The following PLXDC1 variants were observed in gnomAD, a reference collection of about 807,000 sequenced individuals.
The protein encoded by PLXDC1 is plexin domain-containing protein 1.
In PLXDC1, 39 loss-of-function variants were observed where a neutral mutation model predicts 61.3. That is an observed-to-expected ratio of 0.64 (90% CI 0.49 to 0.83). PLXDC1 has a LOEUF of 0.83. Among genes scored for constraint, PLXDC1 ranks in the 40% least tolerant of loss-of-function variants. The probability of loss-of-function intolerance (pLI) is 0.00; values close to 1 mark genes in which losing one functional copy is unlikely to be tolerated. For missense variants in PLXDC1, 596 were observed against 666.5 expected, an observed-to-expected ratio of 0.89 and a Z score of 1.17; for synonymous variants, 212 against 254.5, an observed-to-expected ratio of 0.83 and a Z score of 1.59.
At chr17:39,096,055 C>T (rs1034447283) in intron 7 of PLXDC1, among the ~76,000 whole-genome samples, 3 of 152,160 alleles carry the variant, frequency 2.0e-5, no homozygotes, top group African/African-American at 7.2e-5. Context: ...CTGGCTTGGC[C>T]AGAAGAAGTT....
At chr17:39,096,310 G>A (rs907414949) in intron 7 of PLXDC1, among the ~76,000 whole-genome samples, 2 of 152,220 alleles carry the variant, frequency 1.3e-5, no homozygotes, top group African/African-American at 4.8e-5. Flanking sequence ...GGCCAGAAAT[G>A]ACTCAGGGAG....
At chr17:39,103,222 A>G (rs1318566642) in intron 7 of PLXDC1, among the ~76,000 whole-genome samples, 1 of 151,936 alleles carries the variant, frequency 6.6e-6, no homozygotes, top group Non-Finnish European at 1.5e-5. Flanking sequence ...CTCAAAAAAA[A>G]AAAAAAGACA....
At chr17:39,139,563 G>A in intron 2 of PLXDC1, 91 bp downstream of exon 2, 1 of 1,238,682 alleles carries the variant, frequency 8.1e-7, no homozygotes, top group South Asian at 1.5e-5. Context: ...AATGATATGT[G>A]ATTTGCATGT....
At chr17:39,131,810 C>A (rs1597657817) in intron 2 of PLXDC1, 1 of 152,780 alleles carries the variant, frequency 6.5e-6, no homozygotes, top group Admixed American at 6.5e-5. Context: ...CACTGCTTGC[C>A]CCCTGTGGTT....
At chr17:39,086,821 C>A (rs1909756015) in intron 8 of PLXDC1, among the ~76,000 whole-genome samples, 1 of 127,820 alleles carries the variant, frequency 7.8e-6, no homozygotes, top group Non-Finnish European at 1.6e-5. Flanking sequence ...GAGATCACAC[C>A]ACTGCACTCT....
chr17:39,100,543 C>G (rs115449246), intron 7 of PLXDC1, among the ~76,000 whole-genome samples: 1,750 of 152,304 alleles, frequency 0.011, 38 homozygotes, highest in African/African-American at 0.04. Flanking sequence ...GCGTGAGCCA[C>G]CGTGCCTGGC....
At chr17:39,111,456 T>C (rs981262855) in intron 2 of PLXDC1, among the ~76,000 whole-genome samples, 1 of 152,292 alleles carries the variant, frequency 6.6e-6, no homozygotes, top group Admixed American at 6.5e-5. Flanking sequence ...AGCAAATTTT[T>C]GTATTTTTAG....
chr17:39,091,278 CAG>C (rs971762954), intron 7 of PLXDC1, among the ~76,000 whole-genome samples: 2 of 152,094 alleles, frequency 1.3e-5, no homozygotes, highest in African/African-American at 2.4e-5. Flanking sequence ...GAGGGCTGCT[CAG>C]AGAGTACTTA....
chr17:39,094,496 C>T (rs1222922013), intron 7 of PLXDC1, among the ~76,000 whole-genome samples: 7 of 151,950 alleles, frequency 4.6e-5, no homozygotes, highest in Non-Finnish European at 4.4e-5. Flanking sequence ...GACTGCCCCC[C>T]GACCCGGCCC....
At chr17:39,145,403 C>T (rs1313019184) in intron 1 of PLXDC1, among the ~76,000 whole-genome samples, 2 of 152,208 alleles carry the variant, frequency 1.3e-5, no homozygotes, top group Non-Finnish European at 2.9e-5. Context: ...CCTCATCTCA[C>T]CCAACACCCA....
chr17:39,106,027 C>T, intron 6 of PLXDC1, 74 bp from the exon 7 acceptor site: 2 of 976,296 alleles, frequency 2.0e-6, no homozygotes, highest in Non-Finnish European at 3.2e-6. Context: ...CTGTGAGCTC[C>T]AGACCCATCT....
chr17:39,152,781 AAAAG>A (rs1382012725), upstream of PLXDC1: 799 of 820,998 alleles, frequency 9.7e-4, no homozygotes, highest in Non-Finnish European at 1.2e-3. Context: ...AAAAAAAAAA[AAAAG>A]AAAAGAAAAG....
At chr17:39,103,781 G>A (rs929578543) in intron 7 of PLXDC1, among the ~76,000 whole-genome samples, 2 of 150,900 alleles carry the variant, frequency 1.3e-5, no homozygotes, top group African/African-American at 4.9e-5. Flanking sequence ...GGGAGGCAAA[G>A]GTTGCAGTGA....
At chr17:39,139,382 G>T (rs1258493399) in intron 2 of PLXDC1, among the ~76,000 whole-genome samples, 1 of 152,182 alleles carries the variant, frequency 6.6e-6, no homozygotes. Context: ...CAGGAATGCT[G>T]TGGTCAGGCT....
intron 2 of PLXDC1, among the ~76,000 whole-genome samples, chr17:39,113,849 C>CA (rs11448352): frequency 0.57 from 82,486 of 143,586 alleles, 24,625 homozygotes; most frequent in Non-Finnish European, 0.69. Context: ...GACTCTGTCT[C>CA]AAAAAAAAAA....
intron 2 of PLXDC1, among the ~76,000 whole-genome samples, chr17:39,114,462 G>T (rs1910904503): frequency 2.0e-5 from 3 of 152,150 alleles, no homozygotes; most frequent in Admixed American, 2.0e-4. Context: ...CACACCCTGT[G>T]CTTCTTTCTC....
intron 7 of PLXDC1, among the ~76,000 whole-genome samples, chr17:39,092,295 A>T (rs753271146): frequency 6.6e-6 from 1 of 151,910 alleles, no homozygotes; most frequent in Non-Finnish European, 1.5e-5. Flanking sequence ...GCTGGTCTCC[A>T]ACTCCCGGGC....
chr17:39,152,549 G>A (rs2045381142), upstream of PLXDC1: 1 of 1,244,940 alleles, frequency 8.0e-7, no homozygotes, highest in Non-Finnish European at 1.0e-6. Flanking sequence ...GACCTACTTC[G>A]TTCTTGTGAC....
intron 7 of PLXDC1, 57 bp downstream of exon 7, chr17:39,105,797 C>G: frequency 9.2e-7 from 1 of 1,084,324 alleles, no homozygotes; most frequent in Non-Finnish European, 1.4e-6. Flanking sequence ...AGCTCAGGTT[C>G]AGTCTGAGCG....
Sources: allele counts gnomAD v4.1 joint callset (sites outside exome capture counted in the v4.1 genomes callset), GRCh38; gene constraint gnomAD v4.1.1; transcripts MANE v1.5; gene names NCBI Gene and HGNC (gene_info 2026-07-23, HGNC 2026-07-21).